The following NAA11 variants were observed in gnomAD, a reference collection of about 807,000 sequenced individuals.
NAA11 encodes the protein N-alpha-acetyltransferase 11.
A neutral mutation model predicts 16.1 loss-of-function variants in NAA11; 15 were observed. That is an observed-to-expected ratio of 0.93 (90% CI 0.62 to 1.44). The LOEUF (loss-of-function observed/expected upper bound fraction) is 1.44. Ranked by LOEUF, NAA11 falls within the 40% of genes most tolerant of loss-of-function variation. The pLI, the probability that NAA11 is intolerant of heterozygous loss-of-function variation, is 0.00. For synonymous variants in NAA11, 122 were observed against 112.4 expected (o/e 1.09, Z -0.54); for missense variants, 298 against 291.3 (o/e 1.02, Z -0.17).
At chr4:79,291,183 C>T (rs949955889) in intron 2 of NAA11, among the ~76,000 whole-genome samples, 10 of 151,972 alleles carry the variant, frequency 6.6e-5, no homozygotes, top group African/African-American at 2.4e-4. Flanking sequence ...GAATCTGGGC[C>T]AGGTGCAGTG....
chr4:79,285,085 G>C (rs1202739142), intron 2 of NAA11, among the ~76,000 whole-genome samples: 1 of 151,994 alleles, frequency 6.6e-6, no homozygotes, highest in South Asian at 2.1e-4. Context: ...AGTAGATGGT[G>C]GTCTTAAGTT....
At chr4:79,263,046 G>GT (rs1298211473) in intron 2 of NAA11, among the ~76,000 whole-genome samples, 1 of 152,124 alleles carries the variant, frequency 6.6e-6, no homozygotes, top group Non-Finnish European at 1.5e-5. Flanking sequence ...ATAGATGCGT[G>GT]TTAAAAACTA....
downstream of NAA11, among the ~76,000 whole-genome samples, chr4:79,313,627 C>T (rs1381617951): frequency 5.3e-5 from 8 of 152,260 alleles, no homozygotes; most frequent in South Asian, 2.1e-4. Flanking sequence ...GTAATTCCCA[C>T]GCCCTAATAA....
chr4:79,270,117 A>T (rs1270153607), intron 2 of NAA11, among the ~76,000 whole-genome samples: 1 of 147,854 alleles, frequency 6.8e-6, no homozygotes, highest in South Asian at 2.2e-4. Flanking sequence ...CCTTGTAGTA[A>T]AGTTTGAAGT....
intron 1 of NAA11, among the ~76,000 whole-genome samples, chr4:79,295,482 C>T (rs1479904063): frequency 6.6e-6 from 1 of 152,182 alleles, no homozygotes; most frequent in Non-Finnish European, 1.5e-5. Flanking sequence ...AATGCTGACA[C>T]ACAAAAGCAA....
downstream of NAA11, among the ~76,000 whole-genome samples, chr4:79,314,193 A>G (rs1039484399): frequency 6.6e-6 from 1 of 152,200 alleles, no homozygotes; most frequent in Admixed American, 6.5e-5. Context: ...AATTATTTTT[A>G]GAACAGTTTT....
intron 2 of NAA11, among the ~76,000 whole-genome samples, chr4:79,265,341 C>G (rs555257108): frequency 1.3e-5 from 2 of 152,182 alleles, no homozygotes; most frequent in Non-Finnish European, 2.9e-5. Flanking sequence ...GTTCACCACA[C>G]AGCAGCAGGG....
chr4:79,303,071 GCCTTTTATATATATATATATAT>G (rs1356297034), intron 1 of NAA11, among the ~76,000 whole-genome samples: 1 of 86,596 alleles, frequency 1.2e-5, no homozygotes, highest in African/African-American at 4.8e-5. Flanking sequence ...TTCTCTTGAG[GCCTTTTATATATATATATATAT>G]ATATATATAT....
At chr4:79,305,710 T>C (rs959420016) in intron 1 of NAA11, among the ~76,000 whole-genome samples, 2 of 152,166 alleles carry the variant, frequency 1.3e-5, no homozygotes. Flanking sequence ...CTTAAAAGAA[T>C]AGAATGGTGA....
intron 2 of NAA11, among the ~76,000 whole-genome samples, chr4:79,250,385 C>A (rs973588520): frequency 1.3e-5 from 2 of 152,344 alleles, no homozygotes; most frequent in African/African-American, 4.8e-5. Context: ...AGCTGGCCAG[C>A]GGCAGCAGAC....
chr4:79,325,658 A>G lies in NAA11; in HGVS notation c.220T>C (p.Ser74Pro). The G allele has an allele frequency of 2.5e-6, 4 of 1,614,042 alleles. No individual in the cohort carries two copies. The highest frequency in any genetic ancestry group is 3.4e-6 in the Non-Finnish European group (4 of 1,179,950). Residue 74 changes from serine (S) to proline (P), a missense_variant, in exon 1 of 2, where the codon TCA (serine) becomes CCA (proline). Ser to Pro is a moderately conservative substitution (Grantham distance 74, BLOSUM62 -1). Transcript: ENST00000286794. ...CGGTGTGAACGCTTCACGGCCAGTG[A>G]GGTGATATGGCCATGCGGGACATCA... Reference protein sequence around the residue: ...PDDVPHGHITSLAVKRSHRRL... With the variant: ...PDDVPHGHITPLAVKRSHRRL...
the NAA11 span, among the ~76,000 whole-genome samples, chr4:79,179,555 A>C: frequency 6.6e-6 from 1 of 152,212 alleles, no homozygotes; most frequent in Non-Finnish European, 1.5e-5. Flanking sequence ...ACTGTTTACT[A>C]TTCTGTTTGA....
chr4:79,284,013 T>A (rs1722854881), intron 2 of NAA11, among the ~76,000 whole-genome samples: 1 of 152,072 alleles, frequency 6.6e-6, no homozygotes, highest in African/African-American at 2.4e-5. Context: ...TTGAGGAACT[T>A]GGAAAACAAG....
At chr4:79,303,118 A>G (rs1723459124) in intron 1 of NAA11, among the ~76,000 whole-genome samples, 1 of 120,622 alleles carries the variant, frequency 8.3e-6, no homozygotes, top group African/African-American at 2.9e-5. Context: ...ATATATATAT[A>G]TATACCTCCC....
At chr4:79,264,337 A>T (rs1411910394) in intron 2 of NAA11, among the ~76,000 whole-genome samples, 2 of 152,136 alleles carry the variant, frequency 1.3e-5, no homozygotes, top group Non-Finnish European at 2.9e-5. Flanking sequence ...TGTAACATAA[A>T]TTTTTTTAAA....
the NAA11 span, among the ~76,000 whole-genome samples, chr4:79,170,616 G>T: frequency 6.6e-6 from 1 of 152,102 alleles, no homozygotes; most frequent in Non-Finnish European, 1.5e-5. Flanking sequence ...TTTTGTAATT[G>T]GTGGAAAGTT....
intron 2 of NAA11, among the ~76,000 whole-genome samples, chr4:79,277,585 T>G (rs1279471288): frequency 2.0e-5 from 3 of 152,086 alleles, no homozygotes; most frequent in Non-Finnish European, 4.4e-5. Context: ...TAAAGCAATC[T>G]TTTTTGATTA....
intron 2 of NAA11, among the ~76,000 whole-genome samples, chr4:79,231,081 A>G (rs1721452422): frequency 6.6e-6 from 1 of 152,038 alleles, no homozygotes; most frequent in African/African-American, 2.4e-5. Flanking sequence ...GCCTATACAT[A>G]TTAAATGTTC....
At chr4:79,254,223 C>G (rs1199966732) in intron 2 of NAA11, among the ~76,000 whole-genome samples, 1 of 152,214 alleles carries the variant, frequency 6.6e-6, no homozygotes, top group Non-Finnish European at 1.5e-5. Flanking sequence ...TATCGCATGT[C>G]CATCACAAAG....
Sources: gnomAD v4.1 joint callset for allele counts (sites outside exome capture counted in the v4.1 genomes callset) on GRCh38, gnomAD v4.1.1 for gene constraint, MANE v1.5 for transcripts, NCBI Gene and HGNC (gene_info 2026-07-23, HGNC 2026-07-21) for gene names.